The following SMAD4 variants were observed in gnomAD, a reference collection of about 807,000 sequenced individuals.
SMAD4 encodes the protein SMAD family member 4.
In SMAD4, 7 loss-of-function variants were observed where a neutral mutation model predicts 63.2. The ratio of observed to expected loss-of-function variants is 0.11; its 90% confidence interval spans 0.06 to 0.21. The LOEUF (loss-of-function observed/expected upper bound fraction) is 0.21, where lower values mean the gene tolerates loss of function less well. SMAD4 is among the 10% of genes least tolerant of loss of function. The pLI, the probability that SMAD4 is intolerant of heterozygous loss-of-function variation, is 1.00. For missense variants in SMAD4, 312 were observed against 693.8 expected, an observed-to-expected ratio of 0.45 and a Z score of 6.18; for synonymous variants, 215 against 235.4, an observed-to-expected ratio of 0.91 and a Z score of 0.79.
intron 1 of SMAD4, among the ~76,000 whole-genome samples, chr18:51,043,491 A>G (rs985887828): frequency 6.6e-6 from 1 of 152,226 alleles, no homozygotes; most frequent in East Asian, 1.9e-4. Context: ...GCTCTTGCCT[A>G]CCATACTTCC....
chr18:51,073,870 G>A (rs757892229), intron 10 of SMAD4, among the ~76,000 whole-genome samples: 10 of 152,004 alleles, frequency 6.6e-5, no homozygotes, highest in Non-Finnish European at 1.5e-4. Context: ...AACATCAAAG[G>A]CATGATCCAT....
At chr18:51,051,028 T>C (rs965381635) in intron 4 of SMAD4, 3 of 161,444 alleles carry the variant, frequency 1.9e-5, no homozygotes, top group African/African-American at 7.2e-5. Context: ...ATCACTTCTT[T>C]TTTTTTTTGA....
rs369088915 is a variant in SMAD4 at position 51,059,888 on chromosome 18, A to G, written c.927A>G (p.Ala309=). The G allele has an allele frequency of 6.2e-7, 1 of 1,613,252 alleles. No homozygotes were observed. The highest frequency in any genetic ancestry group is 8.5e-7 in the Non-Finnish European group (1 of 1,179,428). ...GHYWPVHNEL[A]FQPPISNHPA... Reference sequence around the variant, plus strand: ...TAGGGCCTGTTCACAATGAGCTTGCATTCCAGCCTCCCATTTCCAATCATC... The same window carrying G: ...TAGGGCCTGTTCACAATGAGCTTGCGTTCCAGCCTCCCATTTCCAATCATC... The change falls in exon 8 of 12, where the codon GCA becomes GCG. Residue 309 remains alanine (A), a synonymous_variant. Transcript: ENST00000342988.
chr18:51,047,374 C>A (rs2144402477), intron 2 of SMAD4, 79 bp downstream of exon 2: 2 of 1,291,292 alleles, frequency 1.5e-6, no homozygotes, highest in Non-Finnish European at 2.2e-6. Context: ...CAAGCTACTA[C>A]AGGGTAATTT....
intron 4 of SMAD4, among the ~76,000 whole-genome samples, chr18:51,050,057 C>G (rs759721139): frequency 6.6e-6 from 1 of 152,042 alleles, no homozygotes; most frequent in African/African-American, 2.4e-5. Flanking sequence ...CAGAGAAACT[C>G]TTATAAAGAA....
intron 4 of SMAD4, among the ~76,000 whole-genome samples, chr18:51,050,854 C>T (rs1415751733): frequency 2.6e-5 from 4 of 151,368 alleles, no homozygotes; most frequent in African/African-American, 9.7e-5. Flanking sequence ...TCTCCCATAT[C>T]ACTGGTAATG....
At chr18:51,048,515 T>C (rs1289885463) in intron 2 of SMAD4, among the ~76,000 whole-genome samples, 171 bp from the exon 3 acceptor site, 2 of 152,224 alleles carry the variant, frequency 1.3e-5, no homozygotes, top group African/African-American at 4.8e-5. Context: ...AGGTTTAAAT[T>C]CTAGGTCTGA....
chr18:51,049,217 C>A, intron 3 of SMAD4, 78 bp from the exon 4 acceptor site: 3 of 1,123,328 alleles, frequency 2.7e-6, no homozygotes, highest in Non-Finnish European at 4.0e-6. Flanking sequence ...TTTAAATTTA[C>A]ATTCTCTGTT....
At chr18:51,060,601 T>C (rs1909982324) in intron 8 of SMAD4, among the ~76,000 whole-genome samples, 1 of 152,202 alleles carries the variant, frequency 6.6e-6, no homozygotes, top group African/African-American at 2.4e-5. Context: ...TTCCTCCTAA[T>C]TAAAAGAAAA....
intron 10 of SMAD4, among the ~76,000 whole-genome samples, chr18:51,067,908 T>A (rs557529604): frequency 6.6e-6 from 1 of 152,356 alleles, no homozygotes; most frequent in East Asian, 1.9e-4. Flanking sequence ...GAAATATTTT[T>A]CACTAGTTAT....
chr18:51,074,797 G>A (rs146124058), intron 10 of SMAD4, among the ~76,000 whole-genome samples: 2 of 152,334 alleles, frequency 1.3e-5, no homozygotes, highest in East Asian at 1.9e-4. Context: ...GAAACGAATG[G>A]ACTGTGAGAA....
chr18:51,045,345 G>T (rs1285451201), intron 1 of SMAD4, among the ~76,000 whole-genome samples: 2 of 152,158 alleles, frequency 1.3e-5, no homozygotes, highest in African/African-American at 2.4e-5. Context: ...AAAAGAAAAT[G>T]AAAGCAAGAT....
At position 51,084,886 on chromosome 18, in the gene SMAD4, C is replaced by T. The variant is rs983841063; in HGVS notation, c.*6419C>T. 1 of 222,712 alleles carries T rather than the reference C, an allele frequency of 4.5e-6. No individual in the cohort carries two copies. Among genetic ancestry groups the T allele is most frequent in the African/African-American group, 2.2e-5 (1 of 44,734 alleles). 13.8% of individuals were successfully genotyped at this position (222,712 alleles called of 1,614,324 possible). A position where few individuals can be genotyped will look rare whatever the true frequency, so the allele number is the denominator to read the frequency against. On this transcript the variant is annotated 3_prime_UTR_variant, in exon 12 of 12. Transcript: ENST00000342988. ...AGAGAAGAGCCACTCGTAGCTTCTG[C>T]TTTGGGGACAACTGGTCAGTTGAAA... is the stretch of plus-strand genomic sequence containing the variant.
At chr18:51,076,826 AT>A in intron 11 of SMAD4, 50 bp downstream of exon 11, 1 of 1,394,638 alleles carries the variant, frequency 7.2e-7, no homozygotes, top group Non-Finnish European at 9.8e-7. Context: ...TGATATTTTT[AT>A]CTTGATTTAC....
intron 4 of SMAD4, chr18:51,054,032 G>C (rs1022648031): frequency 2.6e-5 from 4 of 152,296 alleles, no homozygotes; most frequent in East Asian, 3.9e-4. Flanking sequence ...ACTATTTCCT[G>C]GTTGGTTAAT....
chr18:51,032,991 A>G (rs1459876130), intron 1 of SMAD4, among the ~76,000 whole-genome samples: 1 of 151,796 alleles, frequency 6.6e-6, no homozygotes, highest in African/African-American at 2.4e-5. Flanking sequence ...TTCAATGGTC[A>G]TTATATATGT....
intron 10 of SMAD4, among the ~76,000 whole-genome samples, chr18:51,070,001 A>G (rs1034947884): frequency 4.6e-5 from 7 of 152,116 alleles, no homozygotes; most frequent in Non-Finnish European, 1.0e-4. Flanking sequence ...ATCAGTTTGG[A>G]GAGGATGACT....
intron 1 of SMAD4, among the ~76,000 whole-genome samples, chr18:51,034,061 A>T (rs1316713266): frequency 6.6e-6 from 1 of 152,322 alleles, no homozygotes; most frequent in East Asian, 1.9e-4. Context: ...AAGACCGTTC[A>T]GCCCAAAGAC....
intron 5 of SMAD4, among the ~76,000 whole-genome samples, chr18:51,056,176 G>A (rs770937422): frequency 6.6e-6 from 1 of 152,070 alleles, no homozygotes; most frequent in Non-Finnish European, 1.5e-5. Flanking sequence ...ACAAACAGTG[G>A]GTAGTGATAG....
Sources: gnomAD v4.1 joint callset for allele counts (sites outside exome capture counted in the v4.1 genomes callset) on GRCh38, gnomAD v4.1.1 for gene constraint, MANE v1.5 for transcripts, NCBI Gene and HGNC (gene_info 2026-07-23, HGNC 2026-07-21) for gene names.